Variants in ABTB3 observed in about 807,000 individuals in gnomAD.
ABTB3 encodes the protein ankyrin repeat and BTB domain containing 3.
chr12:107,645,830 G>A, the ABTB3 span, among the ~76,000 whole-genome samples: 1 of 152,206 alleles, frequency 6.6e-6, no homozygotes, highest in African/African-American at 2.4e-5. Flanking sequence ...AAGGTTTCCT[G>A]GCCACATTAG....
chr12:107,446,763 C>T, the ABTB3 span, among the ~76,000 whole-genome samples: 1 of 152,148 alleles, frequency 6.6e-6, no homozygotes, highest in South Asian at 2.1e-4. Context: ...AGGCGGGACT[C>T]AAATTCTGAA....
the ABTB3 span, among the ~76,000 whole-genome samples, chr12:107,412,102 A>AT: frequency 1.4e-4 from 22 of 152,364 alleles, no homozygotes; most frequent in African/African-American, 4.8e-4. Flanking sequence ...GACAGTGTTT[A>AT]TAGGGTGGCC....
At chr12:107,626,343 CTTT>C in the ABTB3 span, among the ~76,000 whole-genome samples, 2 of 112,504 alleles carry the variant, frequency 1.8e-5, no homozygotes, top group African/African-American at 7.1e-5. Context: ...CTATCGTCAT[CTTT>C]TTTTTTTTTT....
the ABTB3 span, among the ~76,000 whole-genome samples, chr12:107,366,731 C>A: frequency 6.6e-6 from 1 of 152,166 alleles, no homozygotes; most frequent in Admixed American, 6.5e-5. Context: ...TTATAATCCA[C>A]ATTGAGTCTA....
chr12:107,626,989 A>T, the ABTB3 span, among the ~76,000 whole-genome samples: 302 of 152,110 alleles, frequency 2.0e-3, no homozygotes, highest in Non-Finnish European at 3.2e-3. Context: ...CTCTAAAAAT[A>T]AAAATTAAAA....
the ABTB3 span, among the ~76,000 whole-genome samples, chr12:107,380,762 G>A: frequency 2.0e-5 from 3 of 152,230 alleles, no homozygotes; most frequent in East Asian, 1.9e-4. Context: ...GGGTACATGC[G>A]TGAATGTGCA....
the ABTB3 span, among the ~76,000 whole-genome samples, chr12:107,466,472 A>G: frequency 6.6e-5 from 10 of 151,982 alleles, no homozygotes; most frequent in East Asian, 9.7e-4. Context: ...CCCCAAGCAC[A>G]AATGTCCAAT....
the ABTB3 span, among the ~76,000 whole-genome samples, chr12:107,539,326 C>T: frequency 6.6e-6 from 1 of 152,310 alleles, no homozygotes; most frequent in African/African-American, 2.4e-5. Context: ...CCAACTTTCA[C>T]TGATTGGGAG....
the ABTB3 span, among the ~76,000 whole-genome samples, chr12:107,414,695 T>TC: frequency 6.7e-6 from 1 of 149,080 alleles, no homozygotes; most frequent in African/African-American, 2.5e-5. Context: ...TTTTTCACCA[T>TC]CCCCCCCTTT....
the ABTB3 span, among the ~76,000 whole-genome samples, chr12:107,570,657 A>C: frequency 6.6e-6 from 1 of 151,790 alleles, no homozygotes; most frequent in East Asian, 1.9e-4. Context: ...TTTTTTCCAA[A>C]TACATTTCTG....
chr12:107,550,881 C>G, the ABTB3 span, among the ~76,000 whole-genome samples: 1 of 152,114 alleles, frequency 6.6e-6, no homozygotes, highest in African/African-American at 2.4e-5. Flanking sequence ...CCGCACCCAG[C>G]CTCTGCTAAT....
chr12:107,330,186 G>A, the ABTB3 span, among the ~76,000 whole-genome samples: 1 of 152,204 alleles, frequency 6.6e-6, no homozygotes, highest in Admixed American at 6.5e-5. Context: ...GGTAGGGAGG[G>A]AGCCTGGTAG....
the ABTB3 span, among the ~76,000 whole-genome samples, chr12:107,537,699 C>T: frequency 6.6e-6 from 1 of 151,850 alleles, no homozygotes; most frequent in Non-Finnish European, 1.5e-5. Context: ...ACCCTTCAAA[C>T]TACTTCTCTT....
At chr12:107,629,341 T>A in the ABTB3 span, among the ~76,000 whole-genome samples, 2 of 152,170 alleles carry the variant, frequency 1.3e-5, no homozygotes, top group Non-Finnish European at 2.9e-5. Flanking sequence ...GAAGATCACT[T>A]GAGCCCAGGA....
At chr12:107,362,939 T>A in the ABTB3 span, among the ~76,000 whole-genome samples, 4 of 152,336 alleles carry the variant, frequency 2.6e-5, no homozygotes, top group African/African-American at 9.6e-5. Context: ...GAATTAAGGA[T>A]CCTGTCCTAA....
chr12:107,501,425 C>T, the ABTB3 span, among the ~76,000 whole-genome samples: 5 of 151,342 alleles, frequency 3.3e-5, no homozygotes, highest in African/African-American at 9.7e-5. Context: ...GATGGCTGGG[C>T]GCGGTGGCTC....
chr12:107,613,827 C>CAAAATTAG, the ABTB3 span, among the ~76,000 whole-genome samples: 1 of 152,014 alleles, frequency 6.6e-6, no homozygotes, highest in Admixed American at 6.5e-5. Context: ...CTTTTCAGTT[C>CAAAATTAG]AAAATTAGAT....
the ABTB3 span, among the ~76,000 whole-genome samples, chr12:107,567,207 G>A: frequency 5.3e-5 from 8 of 152,240 alleles, no homozygotes; most frequent in South Asian, 6.2e-4. Flanking sequence ...TGAGTAACAT[G>A]GTGACAAGTG....
chr12:107,390,818 A>T, the ABTB3 span, among the ~76,000 whole-genome samples: 4 of 152,222 alleles, frequency 2.6e-5, no homozygotes, highest in African/African-American at 9.7e-5. Flanking sequence ...AACACATACC[A>T]TGGGCTTCAC....
Sources: gnomAD v4.1 joint callset for allele counts (sites outside exome capture counted in the v4.1 genomes callset) on GRCh38, gnomAD v4.1.1 for gene constraint, MANE v1.5 for transcripts, NCBI Gene and HGNC (gene_info 2026-07-23, HGNC 2026-07-21) for gene names.